NECAB1: variants seen among roughly 807,000 people sequenced by gnomAD.
The protein encoded by NECAB1 is N-terminal EF-hand calcium binding protein 1.
A neutral mutation model predicts 57.5 loss-of-function variants in NECAB1; 29 were observed. The ratio of observed to expected loss-of-function variants is 0.50; its 90% CI spans 0.38 to 0.69. NECAB1 has a LOEUF of 0.69. Among genes scored for constraint, NECAB1 ranks in the 30% least tolerant of loss-of-function variants. The pLI, the probability that NECAB1 is intolerant of heterozygous loss-of-function variation, is 0.00. For missense variants in NECAB1, 372 were observed against 413.8 expected, an observed-to-expected ratio of 0.90 and a Z score of 0.88; for synonymous variants, 142 against 147.7, an observed-to-expected ratio of 0.96 and a Z score of 0.28.
At chr8:90,878,225 C>T (rs544379984) in intron 4 of NECAB1, among the ~76,000 whole-genome samples, 1 of 152,198 alleles carries the variant, frequency 6.6e-6, no homozygotes, top group East Asian at 1.9e-4. Flanking sequence ...ATGTGTATTG[C>T]AGTTGTTACT....
intron 2 of NECAB1, among the ~76,000 whole-genome samples, chr8:90,807,720 T>C (rs938139938): frequency 6.6e-6 from 1 of 152,196 alleles, no homozygotes; most frequent in Non-Finnish European, 1.5e-5. Context: ...GGGAAAATAA[T>C]GAAACTGAGA....
At chr8:90,864,766 G>A (rs1283969174) in intron 3 of NECAB1, among the ~76,000 whole-genome samples, 2 of 152,090 alleles carry the variant, frequency 1.3e-5, no homozygotes, top group Non-Finnish European at 2.9e-5. Context: ...CCATGTAGTG[G>A]GGAAGAGGGG....
rs552538278 is a variant in NECAB1, at chr8:90,868,974, C to T, written c.234-3154C>T. Among the ~76,000 whole-genome samples, 37 of 152,354 alleles carry T rather than the reference C, an allele frequency of 2.4e-4. 1 individual carries two copies. In the South Asian group the frequency reaches 7.7e-3, roughly 32 times the overall value. On this transcript the variant is annotated intron_variant, in intron 3 of 12. Coordinates refer to ENST00000417640, the MANE Select transcript of NECAB1 (RefSeq NM_022351.5). Reference sequence around the variant, plus strand: ...TCATTTCATGGACAAGGCCTAGGGCCCTGCTGCTCTGTGCAGCCTCAGGAC... The same window carrying T: ...TCATTTCATGGACAAGGCCTAGGGCTCTGCTGCTCTGTGCAGCCTCAGGAC...
intron 3 of NECAB1, among the ~76,000 whole-genome samples, chr8:90,835,915 T>A (rs907699597): frequency 1.3e-5 from 2 of 152,188 alleles, no homozygotes; most frequent in African/African-American, 4.8e-5. Flanking sequence ...GCCTGATTGA[T>A]CATAGAAAGA....
intron 5 of NECAB1, among the ~76,000 whole-genome samples, chr8:90,904,084 A>G (rs1254846706): frequency 6.6e-6 from 1 of 152,166 alleles, no homozygotes; most frequent in African/African-American, 2.4e-5. Context: ...CCTCATGTAA[A>G]TGTGCAGGCC....
At chr8:90,943,165 G>A (rs1208850858) in intron 10 of NECAB1, among the ~76,000 whole-genome samples, 4 of 152,214 alleles carry the variant, frequency 2.6e-5, no homozygotes, top group African/African-American at 9.6e-5. Context: ...GGGGGAGTGA[G>A]AGAGTGGATA....
chr8:90,919,442 C>A (rs1296799285), intron 6 of NECAB1, among the ~76,000 whole-genome samples: 1 of 152,152 alleles, frequency 6.6e-6, no homozygotes, highest in Non-Finnish European at 1.5e-5. Flanking sequence ...GAATTTTCAA[C>A]CATGTGTTTA....
intron 3 of NECAB1, among the ~76,000 whole-genome samples, chr8:90,835,108 A>G (rs1812350785): frequency 6.6e-6 from 1 of 151,378 alleles, no homozygotes. Context: ...ACAATTTTAT[A>G]TTTATTAGGG....
At position 90,951,328 on chromosome 8, in the gene NECAB1, T is replaced by A. The variant is rs533907747; in HGVS notation, c.1030+124T>A. 2.3e-5 allele frequency: 13 copies of A among 566,678 alleles called. No homozygotes were observed. The South Asian group carries it at 3.3e-4, about 14-fold the overall frequency. 35.1% of individuals were successfully genotyped at this position (566,678 alleles called of 1,614,324 possible). A position where few individuals can be genotyped will look rare whatever the true frequency, so the allele number is the denominator to read the frequency against. On this transcript the variant is annotated intron_variant, in intron 12 of 12. Coordinates refer to ENST00000417640, the MANE Select transcript of NECAB1 (RefSeq NM_022351.5). ...TGGTACTCTCTTATTTATTTCTTTA[T>A]ATATTTTATGATTTGAGATTGGGGG...
At chr8:90,876,829 A>G (rs527527755) in intron 4 of NECAB1, among the ~76,000 whole-genome samples, 11 of 152,342 alleles carry the variant, frequency 7.2e-5, no homozygotes, top group African/African-American at 2.2e-4. Context: ...TACTTCATTT[A>G]AACTGATGAG....
intron 2 of NECAB1, among the ~76,000 whole-genome samples, chr8:90,823,688 G>A (rs1389390069): frequency 6.6e-5 from 10 of 151,836 alleles, no homozygotes; most frequent in African/African-American, 1.9e-4. Flanking sequence ...TCAGTATAGA[G>A]TTGTTGGTAG....
chr8:90,882,399 TAAC>T (rs1465226356), intron 5 of NECAB1, among the ~76,000 whole-genome samples: 3 of 135,776 alleles, frequency 2.2e-5, no homozygotes, highest in Admixed American at 2.2e-4. Context: ...TATATCCAAA[TAAC>T]AAATTCCAAA....
chr8:90,796,031 TATC>T (rs1460366939), intron 1 of NECAB1, among the ~76,000 whole-genome samples: 1 of 152,210 alleles, frequency 6.6e-6, no homozygotes, highest in Non-Finnish European at 1.5e-5. Flanking sequence ...GTCTTACTGT[TATC>T]ATACATTAAA....
intron 6 of NECAB1, 142 bp downstream of exon 6, chr8:90,917,770 T>C (rs988536659): frequency 1.4e-6 from 1 of 696,340 alleles, no homozygotes; most frequent in Admixed American, 4.2e-5. Context: ...CCTCCACTGG[T>C]TGCTTGCCTT....
intron 3 of NECAB1, among the ~76,000 whole-genome samples, chr8:90,847,399 C>T (rs555916480): frequency 6.6e-6 from 1 of 152,354 alleles, no homozygotes; most frequent in South Asian, 2.1e-4. Context: ...CAGCTGCCTT[C>T]AGGGGCTGGC....
intron 2 of NECAB1, among the ~76,000 whole-genome samples, chr8:90,819,699 C>T (rs141596454): frequency 1.1e-4 from 16 of 151,860 alleles, no homozygotes; most frequent in East Asian, 1.9e-4. Context: ...TTTTTGTGGG[C>T]GTGTGTGCCT....
intron 1 of NECAB1, among the ~76,000 whole-genome samples, chr8:90,801,420 G>A (rs1811755350): frequency 6.6e-6 from 1 of 152,130 alleles, no homozygotes. Flanking sequence ...AAGTTGTTGT[G>A]TGTATAAATA....
chr8:90,906,277 G>A (rs1450344635), intron 5 of NECAB1, among the ~76,000 whole-genome samples: 3 of 152,128 alleles, frequency 2.0e-5, no homozygotes, highest in African/African-American at 7.2e-5. Flanking sequence ...ACTGCTGAGT[G>A]GACTGAATCT....
rs111454476 is a variant in NECAB1, at chr8:90,942,650, G to A, written c.860+1752G>A. Among the ~76,000 whole-genome samples the A allele has an allele frequency of 7.7e-4, 117 of 152,272 alleles. 1 individual carries two copies. The highest frequency in any genetic ancestry group is 2.7e-3 in the African/African-American group (112 of 41,554). ...TATAATCCCAGCACTTTGGGAGGCC[G>A]AGGCAGGCAGATCACGAAGTCAGGA... On this transcript the variant is annotated intron_variant, in intron 10 of 12. Coordinates refer to ENST00000417640, the MANE Select transcript of NECAB1 (RefSeq NM_022351.5).
Sources: gnomAD v4.1 joint callset for allele counts (sites outside exome capture counted in the v4.1 genomes callset) on GRCh38, gnomAD v4.1.1 for gene constraint, MANE v1.5 for transcripts, NCBI Gene and HGNC (gene_info 2026-07-23, HGNC 2026-07-21) for gene names.